The following PLA2G4A variants were observed in gnomAD, a reference collection of about 807,000 sequenced individuals.
PLA2G4A encodes cytosolic phospholipase A2.
A neutral mutation model predicts 81.9 loss-of-function variants in PLA2G4A; 40 were observed. The observed-to-expected ratio is 0.49, with a 90% CI of 0.38 to 0.64. The LOEUF is 0.64. Among genes scored for constraint, PLA2G4A ranks in the 30% least tolerant of loss-of-function variants. The pLI, the probability that PLA2G4A is intolerant of heterozygous loss-of-function variation, is 0.00. For missense variants in PLA2G4A, 715 were observed against 905.1 expected, an observed-to-expected ratio of 0.79 and a Z score of 2.69; for synonymous variants, 302 against 296.9, an observed-to-expected ratio of 1.02 and a Z score of -0.18.
chr1:186,889,047 T>A (rs893754577), intron 3 of PLA2G4A, among the ~76,000 whole-genome samples: 4 of 152,214 alleles, frequency 2.6e-5, no homozygotes, highest in African/African-American at 4.8e-5. Flanking sequence ...ACTGGTGATA[T>A]GGTAGAAACA....
At chr1:186,965,795 A>G (rs950317883) in intron 15 of PLA2G4A, among the ~76,000 whole-genome samples, 2 of 152,204 alleles carry the variant, frequency 1.3e-5, no homozygotes, top group Non-Finnish European at 2.9e-5. Flanking sequence ...AGCTCAATAA[A>G]GGTCAGAGCC....
chr1:186,970,749 C>G (rs1657329166), intron 15 of PLA2G4A, among the ~76,000 whole-genome samples: 1 of 151,916 alleles, frequency 6.6e-6, no homozygotes. Context: ...GTTCTCTATT[C>G]TGTTTCATTG....
intron 8 of PLA2G4A, among the ~76,000 whole-genome samples, chr1:186,937,578 A>G (rs1372144614): frequency 6.6e-6 from 1 of 151,572 alleles, no homozygotes; most frequent in African/African-American, 2.4e-5. Context: ...TTTTCTGCAC[A>G]TGTGATCCAT....
intron 6 of PLA2G4A, among the ~76,000 whole-genome samples, chr1:186,909,629 C>T (rs941973825): frequency 3.3e-4 from 45 of 137,290 alleles, no homozygotes; most frequent in Non-Finnish European, 6.1e-4. Flanking sequence ...CATTGCACTC[C>T]AGCCTGGGCA....
Position 186,946,657 on chromosome 1 carries a change from T to C in PLA2G4A, c.1054T>C (p.Tyr352His). 3 of 1,611,030 alleles carry C rather than the reference T, an allele frequency of 1.9e-6. No individual in the cohort carries two copies. The highest frequency in any genetic ancestry group is 2.5e-6 in the Non-Finnish European group (3 of 1,177,416). The change falls in exon 11 of 18, where the codon TAC (tyrosine) becomes CAC (histidine). Residue 352 changes from tyrosine (Y) to histidine (H), a missense_variant. By Grantham distance (83) the Tyr-to-His change is moderately conservative. Transcript: ENST00000367466. ...MFADWVEFSP[Y>H]EIGMAKYGTF... ...TTCAGATTGGGTTGAATTTAGTCCA[T>C]ACGAAATTGGCATGGCTAAATATGG...
intron 15 of PLA2G4A, among the ~76,000 whole-genome samples, chr1:186,969,171 A>G (rs35782442): frequency 0.25 from 38,021 of 151,550 alleles, 4,960 homozygotes; most frequent in African/African-American, 0.29. Context: ...TCAAATATTT[A>G]TGTAGGAGCT....
chr1:186,974,769 C>A (rs1657475387), intron 15 of PLA2G4A, among the ~76,000 whole-genome samples: 1 of 152,192 alleles, frequency 6.6e-6, no homozygotes, highest in Non-Finnish European at 1.5e-5. Context: ...TTGCACTTTA[C>A]TCATAGTCTG....
At chr1:186,905,528 CAATT>C (rs1384265285) in intron 5 of PLA2G4A, among the ~76,000 whole-genome samples, 1 of 152,100 alleles carries the variant, frequency 6.6e-6, no homozygotes, top group Admixed American at 6.5e-5. Context: ...CTGGGATTCT[CAATT>C]AGTTTATTAA....
intron 12 of PLA2G4A, among the ~76,000 whole-genome samples, chr1:186,948,702 G>A (rs1416043895): frequency 1.3e-5 from 2 of 152,160 alleles, no homozygotes; most frequent in African/African-American, 4.8e-5. Flanking sequence ...GGAAAAGGAG[G>A]AGGTTTATAC....
Position 186,988,766 on chromosome 1 carries a change from G to T in PLA2G4A, c.*258G>T. The T allele has an allele frequency of 7.7e-6, 2 of 261,336 alleles. No individual in the cohort carries two copies. Among genetic ancestry groups the T allele is most frequent in the Non-Finnish European group, 7.5e-6 (1 of 133,060 alleles). 16.2% of individuals were successfully genotyped at this position (261,336 alleles called of 1,614,324 possible). On this transcript the variant is annotated 3_prime_UTR_variant, in exon 18 of 18. Coordinates refer to ENST00000367466, the MANE Select transcript of PLA2G4A (RefSeq NM_024420.3). ...TGATACAAATGTAGGGATATATACT[G>T]TATTTTTAAACATTTCTCACCAACT...
intron 7 of PLA2G4A, among the ~76,000 whole-genome samples, chr1:186,913,233 A>G (rs1400994690): frequency 6.6e-6 from 1 of 151,986 alleles, no homozygotes; most frequent in Non-Finnish European, 1.5e-5. Context: ...GAAATGATTT[A>G]TAATCCTAAT....
intron 17 of PLA2G4A, among the ~76,000 whole-genome samples, chr1:186,985,683 A>C (rs760091792): frequency 6.6e-6 from 1 of 152,116 alleles, no homozygotes; most frequent in Non-Finnish European, 1.5e-5. Flanking sequence ...GCAAAGATTT[A>C]AGAGATCTGG....
intron 2 of PLA2G4A, among the ~76,000 whole-genome samples, chr1:186,863,057 A>T (rs1050187932): frequency 6.6e-6 from 1 of 152,234 alleles, no homozygotes; most frequent in African/African-American, 2.4e-5. Context: ...TAAGGATATT[A>T]TAGTCACTAT....
intron 3 of PLA2G4A, among the ~76,000 whole-genome samples, chr1:186,885,974 A>G (rs548781795): frequency 2.0e-5 from 3 of 152,292 alleles, no homozygotes; most frequent in African/African-American, 7.2e-5. Context: ...ATTTGAAAAT[A>G]TAATGGCTGG....
intron 7 of PLA2G4A, among the ~76,000 whole-genome samples, chr1:186,930,542 A>G (rs1655705376): frequency 6.6e-6 from 1 of 152,190 alleles, no homozygotes; most frequent in Non-Finnish European, 1.5e-5. Flanking sequence ...CTCTTGCTGA[A>G]TAACAGTGCA....
chr1:186,860,597 C>T (rs76693950), intron 2 of PLA2G4A, among the ~76,000 whole-genome samples: 2,443 of 152,274 alleles, frequency 0.016, 78 homozygotes, highest in African/African-American at 0.056. Flanking sequence ...ACAGGCACAC[C>T]TAAAAACAAT....
At chr1:186,980,139 G>A (rs1657673575) in intron 17 of PLA2G4A, among the ~76,000 whole-genome samples, 1 of 151,854 alleles carries the variant, frequency 6.6e-6, no homozygotes, top group Admixed American at 6.6e-5. Flanking sequence ...TAGTGAAGAC[G>A]GGGTTTCACC....
At chr1:186,882,960 A>G (rs1267689742) in intron 3 of PLA2G4A, among the ~76,000 whole-genome samples, 1 of 151,982 alleles carries the variant, frequency 6.6e-6, no homozygotes, top group African/African-American at 2.4e-5. Context: ...AAAATAGGAA[A>G]GAAAGTGAGG....
chr1:186,841,133 T>C (rs1651964211), intron 1 of PLA2G4A, among the ~76,000 whole-genome samples: 1 of 152,250 alleles, frequency 6.6e-6, no homozygotes, highest in Non-Finnish European at 1.5e-5. Flanking sequence ...TGTGATATTA[T>C]TTCATAATGG....
Sources: allele counts gnomAD v4.1 joint callset (sites outside exome capture counted in the v4.1 genomes callset), GRCh38; gene constraint gnomAD v4.1.1; transcripts MANE v1.5; gene names NCBI Gene and HGNC (gene_info 2026-07-23, HGNC 2026-07-21).